The following HCN2 variants were observed in gnomAD, a reference collection of about 807,000 sequenced individuals.
HCN2 encodes the protein hyperpolarization activated cyclic nucleotide gated potassium and sodium channel 2.
HCN2 carries 20 observed loss-of-function variants against 52.3 expected under a neutral mutation model. The ratio of observed to expected loss-of-function variants is 0.38; its 90% CI spans 0.27 to 0.56. The LOEUF (loss-of-function observed/expected upper bound fraction) is 0.56. Among genes scored for constraint, HCN2 ranks in the 20% least tolerant of loss-of-function variants. The pLI is 0.71. For synonymous variants in HCN2, 694 were observed against 537.0 expected, an observed-to-expected ratio of 1.29 and a Z score of -4.04; for missense variants, 981 against 1,207.7, an observed-to-expected ratio of 0.81 and a Z score of 2.78.
At chr19:599,323 T>A (rs1319989680) in intron 1 of HCN2, among the ~76,000 whole-genome samples, 2 of 152,166 alleles carry the variant, frequency 1.3e-5, no homozygotes, top group Non-Finnish European at 2.9e-5. Flanking sequence ...TTTCGGCGGC[T>A]CCTGAAACAA....
rs773695061 is a variant in HCN2, at chr19:610,250, T to G, written c.1438-9T>G. 1.9e-6 allele frequency: 3 copies of G among 1,612,234 alleles called. No homozygotes were observed. ...CGGTGTCTGACCCAGCCTCGCCTCC[T>G]CCCCACAGTACAAGCAGGTGGAGCA... On this transcript the variant is annotated splice_polypyrimidine_tract_variant and intron_variant, in intron 4 of 7. Coordinates refer to ENST00000251287, the MANE Select transcript of HCN2 (RefSeq NM_001194.4).
rs904046835 is a variant in HCN2 at position 616,633 on chromosome 19, A to AGCCCCCTCCGC, written c.*166_*176dup. ...GACGGACGGGCAGGGCCGGCGGGGC[A>AGCCCCCTCCGC]GCCCCCTCCGCGCCCCCGGCCGTCC... is the stretch of plus-strand genomic sequence containing the variant. On this transcript the variant is annotated 3_prime_UTR_variant, in exon 8 of 8. Coordinates refer to ENST00000251287, the MANE Select transcript of HCN2 (RefSeq NM_001194.4). 1.8e-5 allele frequency: 6 copies of AGCCCCCTCCGC among 330,410 alleles called. No individual in the cohort carries two copies. The highest frequency in any genetic ancestry group is 4.5e-5 in the African/African-American group (2 of 44,256). 20.5% of individuals were successfully genotyped at this position (330,410 alleles called of 1,614,324 possible).
rs56390973 is a variant in HCN2, at chr19:613,834, C to A, written c.1826-18C>A. On this transcript the variant is annotated intron_variant, in intron 6 of 7. Transcript: ENST00000251287. Reference sequence around the variant, plus strand: ...CGCCCGCCTCGTCCAGCAACCCCCCCCTGCGCGCCACGTGCAGAGATCTGC... The same window carrying A: ...CGCCCGCCTCGTCCAGCAACCCCCCACTGCGCGCCACGTGCAGAGATCTGC... The A allele has an allele frequency of 1.2e-4, 183 of 1,532,366 alleles. 1 individual carries two copies. The Admixed American group carries it at 1.3e-3, about 11-fold the overall frequency. The allele number at this position is 1,532,366 out of a possible 1,614,324, so 94.9% of individuals were successfully genotyped here. A position where few individuals can be genotyped will look rare whatever the true frequency, so the allele number is the denominator to read the frequency against.
rs773597742 is a variant in HCN2, at chr19:615,957, C to T, written c.2153C>T (p.Pro718Leu). ...GQRVGLFPPP[P>L]PPPQVTSAIA... The stretch of plus-strand genomic sequence containing the variant: ...CGCGTGGGCCTCTTCCCGCCGCCGC[C>T]GCCGCCGCCGCAGGTCACCTCGGCC... The change falls in exon 8 of 8, where the codon CCG becomes CTG. Residue 718 changes from proline (P) to leucine (L), a missense_variant. Physicochemically the swap from Pro to Leu is moderately conservative, Grantham distance 98. Coordinates refer to ENST00000251287, the MANE Select transcript of HCN2 (RefSeq NM_001194.4). 11 of 1,603,908 alleles carry T rather than the reference C, an allele frequency of 6.9e-6. No homozygotes were observed. Among genetic ancestry groups the T allele is most frequent in the Middle Eastern group, 2.0e-4 (1 of 5,040 alleles).
At position 590,037 on chromosome 19, in the gene HCN2, C is replaced by T. The variant is rs1213988839; in HGVS notation, c.92C>T (p.Pro31Leu). 1 of 619,102 alleles carries T rather than the reference C, an allele frequency of 1.6e-6. No homozygotes were observed. Among genetic ancestry groups the T allele is most frequent in the Non-Finnish European group, 2.0e-6 (1 of 505,026 alleles). 38.4% of individuals were successfully genotyped at this position (619,102 alleles called of 1,614,324 possible). A position where few individuals can be genotyped will look rare whatever the true frequency, so the allele number is the denominator to read the frequency against. ...GPPPPPPPAP[P>L]QQQPPPPPPP... ...CCGCCGCCGCCGCCGCCCGCGCCCC[C>T]CCAACAGCAGCCGCCGCCGCCGCCG... The change falls in exon 1 of 8, where the codon CCC becomes CTC. Residue 31 changes from proline to leucine, a missense_variant. Around this residue, in one of 6 missense-constraint regions of HCN2, gnomAD observed 215 missense variants for 179.4 expected, o/e 1.20. Coordinates refer to ENST00000251287, the MANE Select transcript of HCN2 (RefSeq NM_001194.4). The surrounding 1 kb of genome is among the most constrained non-coding windows in gnomAD (Gnocchi z 7.2).
intron 7 of HCN2, among the ~76,000 whole-genome samples, chr19:615,179 A>G (rs1983840564): frequency 6.6e-6 from 1 of 152,136 alleles, no homozygotes; most frequent in Non-Finnish European, 1.5e-5. Flanking sequence ...TACTTGGTGC[A>G]CAGTGATACC....
chr19:590,010 C>T lies in HCN2; in HGVS notation c.65C>T (p.Pro22Leu), dbSNP rs1166768192. ...ESPGATPAPG[P>L]PPPPPPAPPQ... ...CCGGGCGCGACCCCCGCGCCGGGGC[C>T]GCCGCCGCCGCCGCCGCCCGCGCCC... is the stretch of plus-strand genomic sequence containing the variant. Residue 22 changes from proline to leucine, a missense_variant, in exon 1 of 8, where the codon CCG becomes CTG. Physicochemically the swap from Pro to Leu is moderately conservative, Grantham distance 98. Coordinates refer to ENST00000251287, the MANE Select transcript of HCN2 (RefSeq NM_001194.4). The surrounding 1 kb of genome is among the most constrained non-coding windows in gnomAD (Gnocchi z 7.2). 3 of 516,950 alleles carry T rather than the reference C, an allele frequency of 5.8e-6. No homozygotes were observed. Among genetic ancestry groups the T allele is most frequent in the Non-Finnish European group, 4.8e-6 (2 of 414,338 alleles). The allele number at this position is 516,950 out of a possible 1,614,324, so 32.0% of individuals were successfully genotyped here.
At chr19:596,815 T>C (rs1427822408) in intron 1 of HCN2, among the ~76,000 whole-genome samples, 1 of 151,934 alleles carries the variant, frequency 6.6e-6, no homozygotes, top group Non-Finnish European at 1.5e-5. Context: ...GGTCCTGTCT[T>C]CTGGAGCTGC....
In HCN2 at chr19:616,538, C is replaced by T; in HGVS notation, c.*64C>T. 3 of 980,650 alleles carry T rather than the reference C, an allele frequency of 3.1e-6. No homozygotes were observed. The highest frequency in any genetic ancestry group is 1.8e-5 in the African/African-American group (1 of 56,934). 60.7% of individuals were successfully genotyped at this position (980,650 alleles called of 1,614,324 possible). A position where few individuals can be genotyped will look rare whatever the true frequency, so the allele number is the denominator to read the frequency against. On this transcript the variant is annotated 3_prime_UTR_variant, in exon 8 of 8. Coordinates refer to ENST00000251287, the MANE Select transcript of HCN2 (RefSeq NM_001194.4). ...GCGGGGCCGTCATCCAGACCAAAGC[C>T]ATGCCATTGCGCTGCCCCGGCCGCC...
At position 617,147 on chromosome 19, in the gene HCN2, G is replaced by A. The variant is rs928704199; in HGVS notation, c.*673G>A. The A allele has an allele frequency of 5.4e-5, 35 of 652,358 alleles. No homozygotes were observed. Among genetic ancestry groups the A allele is most frequent in the African/African-American group, 3.2e-4 (17 of 52,742 alleles). The allele number at this position is 652,358 out of a possible 1,614,324, so 40.4% of individuals were successfully genotyped here. A position where few individuals can be genotyped will look rare whatever the true frequency, so the allele number is the denominator to read the frequency against. ...CCCCCATTCCGCGCAATAAACGACA[G>A]CATTGGCGCCAAGCCTGGCCGCGTG... On this transcript the variant is annotated 3_prime_UTR_variant, in exon 8 of 8. Coordinates refer to ENST00000251287, the MANE Select transcript of HCN2 (RefSeq NM_001194.4).
intron 3 of HCN2, among the ~76,000 whole-genome samples, 171 bp from the exon 4 acceptor site, chr19:607,793 G>C (rs1010273040): frequency 2.0e-5 from 3 of 152,246 alleles, no homozygotes; most frequent in African/African-American, 7.2e-5. Flanking sequence ...ACTGTGACAA[G>C]TGTGCAAACC....
At position 616,366 on chromosome 19, in the gene HCN2, C is replaced by T; in HGVS notation, c.2562C>T (p.Ala854=). 1 of 1,223,638 alleles carries T rather than the reference C, an allele frequency of 8.2e-7. No homozygotes were observed. Among genetic ancestry groups the T allele is most frequent in the Non-Finnish European group, 1.0e-6 (1 of 971,904 alleles). 75.8% of individuals were successfully genotyped at this position (1,223,638 alleles called of 1,614,324 possible). ...CGCGCTTGGGGCCCACGCCCGCTGC[C>T]CGGGCCGCCGCGCCCAGCCCGGACC... The part of the protein sequence containing the change: ...STPRLGPTPA[A]RAAAPSPDRR... The change falls in exon 8 of 8, where the codon GCC becomes GCT. Residue 854 remains alanine (A), a synonymous_variant. Coordinates refer to ENST00000251287, the MANE Select transcript of HCN2 (RefSeq NM_001194.4).
intron 1 of HCN2, among the ~76,000 whole-genome samples, chr19:600,627 G>A (rs996344796): frequency 2.0e-5 from 3 of 151,528 alleles, no homozygotes; most frequent in African/African-American, 4.9e-5. Context: ...TTACAGACGT[G>A]AGCCACCACA....
rs1010919374 is a variant in HCN2, at chr19:615,733, T to G, written c.1991-62T>G. Reference sequence around the variant, plus strand: ...CGCACCCGCGGTGCAGAGTAGGTGCTCGGTGCCCGCTGTACGCAGCAGGCG... The same window carrying G: ...CGCACCCGCGGTGCAGAGTAGGTGCGCGGTGCCCGCTGTACGCAGCAGGCG... On this transcript the variant is annotated intron_variant, in intron 7 of 7. Transcript: ENST00000251287. 9 of 1,565,782 alleles carry G rather than the reference T, an allele frequency of 5.7e-6. No individual in the cohort carries two copies. In the African/African-American group the frequency reaches 1.1e-4, roughly 19 times the overall value.
At chr19:604,538 G>A (rs1485264658) in intron 2 of HCN2, among the ~76,000 whole-genome samples, 6 of 148,084 alleles carry the variant, frequency 4.1e-5, no homozygotes, top group African/African-American at 1.5e-4. Context: ...GAGGGTGCTG[G>A]GCGGGGTCAA....
At chr19:600,790 C>G (rs58528168) in intron 1 of HCN2, among the ~76,000 whole-genome samples, 1 of 152,142 alleles carries the variant, frequency 6.6e-6, no homozygotes, top group African/African-American at 2.4e-5. Flanking sequence ...AGGCTTTTTT[C>G]TTTTATCAGT....
At chr19:613,827 A>AC (rs55851337) in intron 6 of HCN2, 25 bp from the exon 7 acceptor site, 333 of 1,501,268 alleles carry the variant, frequency 2.2e-4, no homozygotes, top group South Asian at 7.4e-4. Flanking sequence ...TCGTCCAGCA[A>AC]CCCCCCCCTG....
intron 3 of HCN2, among the ~76,000 whole-genome samples, chr19:607,027 C>T (rs9304923): frequency 0.31 from 46,466 of 151,060 alleles, 7,540 homozygotes; most frequent in East Asian, 0.51. Flanking sequence ...ACAAAACTAG[C>T]TTGGCGTGGT....
rs1982815166 is a variant in HCN2 at position 590,019 on chromosome 19, C to G, written c.74C>G (p.Pro25Arg). ...ACCCCCGCGCCGGGGCCGCCGCCGC[C>G]GCCGCCGCCCGCGCCCCCCCAACAG... ...GATPAPGPPP[P>R]PPPAPPQQQP... Residue 25 changes from proline to arginine, a missense_variant, in exon 1 of 8, where the codon CCG (proline) becomes CGG (arginine). Transcript: ENST00000251287. This position sits in a 1 kb window ranked among gnomAD's most constrained non-coding sequence, Gnocchi z 7.2. 1 of 601,468 alleles carries G rather than the reference C, an allele frequency of 1.7e-6. No individual in the cohort carries two copies. The allele number at this position is 601,468 out of a possible 1,614,324, so 37.3% of individuals were successfully genotyped here. A position where few individuals can be genotyped will look rare whatever the true frequency, so the allele number is the denominator to read the frequency against.
Sources: allele counts gnomAD v4.1 joint callset (sites outside exome capture counted in the v4.1 genomes callset), GRCh38; gene constraint gnomAD v4.1.1; regional missense constraint gnomAD v4.1.1; non-coding constraint Gnocchi (gnomAD v3.1); transcripts MANE v1.5; gene names NCBI Gene and HGNC (gene_info 2026-07-23, HGNC 2026-07-21).